The following PPP1R1C variants were observed in gnomAD, a reference collection of about 807,000 sequenced individuals.
PPP1R1C encodes the protein protein phosphatase 1 regulatory inhibitor subunit 1C, also known as protein phosphatase 1 regulatory subunit 1C.
Under a neutral mutation model 17.4 loss-of-function variants are expected in PPP1R1C, and 15 were observed. That is an observed-to-expected ratio of 0.86 (90% CI 0.58 to 1.33). PPP1R1C has a LOEUF of 1.33. Ranked by LOEUF, PPP1R1C falls within the 40% of genes most tolerant of loss-of-function variation. The pLI is 0.00. For missense variants in PPP1R1C, 143 were observed against 130.0 expected, an observed-to-expected ratio of 1.10 and a Z score of -0.48; for synonymous variants, 35 against 43.1, an observed-to-expected ratio of 0.81 and a Z score of 0.73.
intron 2 of PPP1R1C, among the ~76,000 whole-genome samples, chr2:182,046,280 A>C (rs1687345123): frequency 6.6e-6 from 1 of 152,098 alleles, no homozygotes; most frequent in African/African-American, 2.4e-5. Context: ...TACATAATGC[A>C]ACTTTGTACT....
At chr2:182,020,284 T>G (rs578207483) in intron 2 of PPP1R1C, among the ~76,000 whole-genome samples, 24 of 152,332 alleles carry the variant, frequency 1.6e-4, no homozygotes, top group African/African-American at 5.5e-4. Flanking sequence ...TATAACTGCA[T>G]AGAATTAGAT....
At chr2:182,115,293 A>G (rs1163921835) in intron 4 of PPP1R1C, among the ~76,000 whole-genome samples, 1 of 152,192 alleles carries the variant, frequency 6.6e-6, no homozygotes, top group East Asian at 1.9e-4. Context: ...CAGCAGCCAA[A>G]AAGCTAAAGG....
intron 1 of PPP1R1C, among the ~76,000 whole-genome samples, chr2:181,968,675 T>A (rs971137583): frequency 1.3e-5 from 2 of 152,052 alleles, no homozygotes; most frequent in African/African-American, 2.4e-5. Context: ...GATTGGAGAG[T>A]TTAGTTCTTT....
At chr2:181,987,773 G>A in intron 1 of PPP1R1C, 66 bp from the exon 2 acceptor site, 3 of 1,529,654 alleles carry the variant, frequency 2.0e-6, no homozygotes, top group African/African-American at 1.4e-5. Flanking sequence ...AGCTTTGCAA[G>A]CTGCAGAGTA....
At chr2:182,067,403 A>G (rs1190760854) in intron 4 of PPP1R1C, among the ~76,000 whole-genome samples, 1 of 152,050 alleles carries the variant, frequency 6.6e-6, no homozygotes, top group Non-Finnish European at 1.5e-5. Flanking sequence ...TAAATCAGAG[A>G]GCAAATCAAC....
At chr2:182,099,538 G>A (rs1689040099) in intron 4 of PPP1R1C, among the ~76,000 whole-genome samples, 1 of 152,166 alleles carries the variant, frequency 6.6e-6, no homozygotes, top group Admixed American at 6.5e-5. Flanking sequence ...AGGCAAGTGG[G>A]AGAATACAGA....
At chr2:182,047,680 A>G (rs939810383) in intron 2 of PPP1R1C, among the ~76,000 whole-genome samples, 1 of 152,188 alleles carries the variant, frequency 6.6e-6, no homozygotes, top group Non-Finnish European at 1.5e-5. Flanking sequence ...GCTCTCATAT[A>G]AAATGGTTGT....
intron 2 of PPP1R1C, among the ~76,000 whole-genome samples, chr2:182,060,312 A>G (rs1268275328): frequency 6.6e-6 from 1 of 152,136 alleles, no homozygotes; most frequent in East Asian, 1.9e-4. Context: ...TATCAACTTC[A>G]GGCATGGTTG....
chr2:182,040,899 GA>G (rs1473106534), intron 2 of PPP1R1C, among the ~76,000 whole-genome samples: 1 of 152,028 alleles, frequency 6.6e-6, no homozygotes, highest in East Asian at 1.9e-4. Context: ...ACCATTTATT[GA>G]ATAGGGTGTC....
intron 2 of PPP1R1C, among the ~76,000 whole-genome samples, chr2:182,018,374 G>A (rs1211490685): frequency 6.6e-6 from 1 of 152,192 alleles, no homozygotes; most frequent in African/African-American, 2.4e-5. Flanking sequence ...ATTTAATAAT[G>A]ATGTCAACAG....
At chr2:182,127,250 G>A (rs1689897264) in intron 5 of PPP1R1C, among the ~76,000 whole-genome samples, 1 of 151,988 alleles carries the variant, frequency 6.6e-6, no homozygotes, top group African/African-American at 2.4e-5. Context: ...GTCTAGAGGG[G>A]CTAGCATTTT....
intron 1 of PPP1R1C, among the ~76,000 whole-genome samples, chr2:181,960,840 A>G (rs1684765257): frequency 6.6e-6 from 1 of 152,236 alleles, no homozygotes; most frequent in African/African-American, 2.4e-5. Context: ...TCAAATCATG[A>G]AAATTATGAA....
intron 2 of PPP1R1C, among the ~76,000 whole-genome samples, chr2:181,979,352 C>T (rs11675275): frequency 6.6e-6 from 1 of 152,194 alleles, no homozygotes; most frequent in African/African-American, 2.4e-5. Context: ...CTATGCATCT[C>T]CCTCTCCATT....
chr2:182,092,916 C>T (rs978882046), intron 4 of PPP1R1C, among the ~76,000 whole-genome samples: 5 of 152,170 alleles, frequency 3.3e-5, no homozygotes, highest in African/African-American at 1.2e-4. Flanking sequence ...GTGCACAATG[C>T]AAGCTGTCAG....
chr2:181,955,544 C>T lies in PPP1R1C; in HGVS notation n.111+910C>T, dbSNP rs546274100. On this transcript the variant is annotated intron_variant and non_coding_transcript_variant, in intron 1 of 5. Transcript: ENST00000464264. ...AACTGTTCCATTACAGTCTGTGAGG[C>T]TTTCTATTTTAGAGTGTTTTCTAGG... Among the ~76,000 whole-genome samples the T allele has an allele frequency of 3.0e-4, 45 of 152,300 alleles. 1 individual carries two copies. Among genetic ancestry groups the T allele is most frequent in the African/African-American group, 9.6e-4 (40 of 41,572 alleles).
At chr2:182,093,514 G>A (rs1157149816) in intron 4 of PPP1R1C, among the ~76,000 whole-genome samples, 1 of 152,184 alleles carries the variant, frequency 6.6e-6, no homozygotes, top group African/African-American at 2.4e-5. Flanking sequence ...TTCAGAAAAT[G>A]CGATTTTCTT....
At chr2:182,100,577 A>T (rs1366686646) in intron 4 of PPP1R1C, among the ~76,000 whole-genome samples, 1 of 152,102 alleles carries the variant, frequency 6.6e-6, no homozygotes, top group Non-Finnish European at 1.5e-5. Context: ...AATCAAGTAC[A>T]ATTGGCTTAG....
Position 182,080,720 on chromosome 2 carries a change from A to AG in PPP1R1C, c.241+16933dup, listed in dbSNP as rs201555384. Among the ~76,000 whole-genome samples, 524 of 124,268 alleles carry AG rather than the reference A, an allele frequency of 4.2e-3. 2 individuals are homozygous for AG. The highest frequency in any genetic ancestry group is 0.018 in the South Asian group (71 of 3,944). The allele number at this position is 124,268 out of a possible 152,430, so 81.5% of individuals were successfully genotyped here. A position where few individuals can be genotyped will look rare whatever the true frequency, so the allele number is the denominator to read the frequency against. Reference sequence around the variant, plus strand: ...TCATTGCAGAAAAGGAGAAGCTTTAAGGGGAAAAAAAAAGGAAAATATTAA... The same window carrying AG: ...TCATTGCAGAAAAGGAGAAGCTTTAAGGGGGAAAAAAAAAGGAAAATATTAA... On this transcript the variant is annotated intron_variant, in intron 4 of 4. Transcript: ENST00000682840.
chr2:182,068,898 T>C (rs529326145), intron 4 of PPP1R1C, among the ~76,000 whole-genome samples: 12 of 152,314 alleles, frequency 7.9e-5, no homozygotes, highest in Middle Eastern at 3.4e-3. Context: ...ATGTGACCAG[T>C]TCACTCTTCC....
Sources: allele counts gnomAD v4.1 joint callset (sites outside exome capture counted in the v4.1 genomes callset), GRCh38; gene constraint gnomAD v4.1.1; transcripts MANE v1.5; gene names NCBI Gene and HGNC (gene_info 2026-07-23, HGNC 2026-07-21).